The following AGPS variants were observed in gnomAD, a reference collection of about 807,000 sequenced individuals.
The protein encoded by AGPS is alkyldihydroxyacetonephosphate synthase, peroxisomal.
In AGPS, 26 loss-of-function variants were observed where a neutral mutation model predicts 90.7. That is an observed-to-expected ratio of 0.29 (90% CI 0.21 to 0.40). AGPS has a LOEUF of 0.40. AGPS is among the 10% of genes least tolerant of loss of function. AGPS has a pLI of 1.00. For missense variants in AGPS, 540 were observed against 816.1 expected (o/e 0.66, Z 4.12); for synonymous variants, 294 against 285.3 (o/e 1.03, Z -0.31).
At chr2:177,470,731 A>G (rs1014550700) in intron 10 of AGPS, among the ~76,000 whole-genome samples, 1 of 151,396 alleles carries the variant, frequency 6.6e-6, no homozygotes, top group Non-Finnish European at 1.5e-5. Context: ...AAAAAGAAAA[A>G]AAAAAGAAAT....
chr2:177,472,423 G>T (rs1574396960), intron 10 of AGPS, among the ~76,000 whole-genome samples: 1 of 151,112 alleles, frequency 6.6e-6, no homozygotes, highest in African/African-American at 2.4e-5. Context: ...CTTGTTGTTG[G>T]TTTTTGTTTG....
intron 15 of AGPS, among the ~76,000 whole-genome samples, chr2:177,505,903 A>G (rs7582179): frequency 0.84 from 127,638 of 151,860 alleles, 53,843 homozygotes; most frequent in East Asian, 0.95. Context: ...AACACTCTTC[A>G]CTTAATAATC....
At chr2:177,501,913 G>A (rs796814450) in intron 14 of AGPS, among the ~76,000 whole-genome samples, 8 of 152,102 alleles carry the variant, frequency 5.3e-5, no homozygotes, top group African/African-American at 1.2e-4. Context: ...TGGTCCACCC[G>A]CCTTGGCCTC....
rs1248859903 is a variant in AGPS, at chr2:177,538,439, TAGTC to T, written c.*247_*250del. 1.2e-5 allele frequency: 6 copies of T among 497,488 alleles called. No individual in the cohort carries two copies. Among genetic ancestry groups the T allele is most frequent in the South Asian group, 4.4e-5 (2 of 45,720 alleles). 30.8% of individuals were successfully genotyped at this position (497,488 alleles called of 1,614,324 possible). ...ATTCAGCGGTTGTCATTTCAAATTT[TAGTC>T]AGGCAGCACAAAGCTGTCAATTATT... is the stretch of plus-strand genomic sequence containing the variant. On this transcript the variant is annotated 3_prime_UTR_variant, in exon 20 of 20. Transcript: ENST00000264167.
chr2:177,499,838 A>G (rs1688509201), intron 14 of AGPS, 108 bp downstream of exon 14: 6 of 737,184 alleles, frequency 8.1e-6, no homozygotes, highest in Non-Finnish European at 1.4e-5. Flanking sequence ...AACAGACTGC[A>G]TGTCTCAAAG....
At chr2:177,432,760 C>T (rs1574362584) in intron 2 of AGPS, among the ~76,000 whole-genome samples, 2 of 152,140 alleles carry the variant, frequency 1.3e-5, no homozygotes, top group Non-Finnish European at 2.9e-5. Flanking sequence ...TTATTTGGCT[C>T]ATGGTTCTGT....
At chr2:177,533,279 A>G (rs1379865708) in intron 19 of AGPS, among the ~76,000 whole-genome samples, 1 of 152,200 alleles carries the variant, frequency 6.6e-6, no homozygotes, top group Non-Finnish European at 1.5e-5. Flanking sequence ...CCACAATTTA[A>G]CTGAACATTA....
At chr2:177,529,428 C>T (rs1478372962) in intron 19 of AGPS, among the ~76,000 whole-genome samples, 3 of 152,012 alleles carry the variant, frequency 2.0e-5, no homozygotes, top group African/African-American at 7.3e-5. Flanking sequence ...TGGCATCGCA[C>T]CACTGCACTC....
At chr2:177,407,706 A>G (rs1057508702) in intron 1 of AGPS, among the ~76,000 whole-genome samples, 3 of 151,768 alleles carry the variant, frequency 2.0e-5, no homozygotes, top group Non-Finnish European at 2.9e-5. Context: ...TATTCAAACT[A>G]TATTGGTTTC....
At chr2:177,469,634 GTTAC>G (rs139176708) in intron 10 of AGPS, among the ~76,000 whole-genome samples, 2,420 of 152,052 alleles carry the variant, frequency 0.016, 59 homozygotes, top group African/African-American at 0.054. Flanking sequence ...AAATAATATG[GTTAC>G]TTAATATTAT....
In AGPS at chr2:177,436,790, T is replaced by G; in HGVS notation, c.468T>G (p.Pro156=). Residue 156 remains proline, a synonymous_variant, in exon 4 of 20, where the codon CCT becomes CCG. Coordinates refer to ENST00000264167, the MANE Select transcript of AGPS (RefSeq NM_003659.4). ...CATCCTTAAATCCTAGTGATACACC[T>G]CCTTCTGTTGTAAATGAAGATTTTC... is the stretch of plus-strand genomic sequence containing the variant. ...SKASLNPSDT[P]PSVVNEDFLH... is the part of the protein sequence containing the mutation. 6.2e-7 allele frequency: 1 copy of G among 1,611,434 alleles called. No homozygotes were observed. Among genetic ancestry groups the G allele is most frequent in the Non-Finnish European group, 8.5e-7 (1 of 1,178,402 alleles).
intron 1 of AGPS, among the ~76,000 whole-genome samples, chr2:177,396,008 G>A (rs1559028813): frequency 7.4e-6 from 1 of 134,952 alleles, no homozygotes; most frequent in Non-Finnish European, 1.5e-5. Context: ...GAGACACAGT[G>A]CAGTTTGATT....
At chr2:177,400,555 G>T (rs1458855731) in intron 1 of AGPS, among the ~76,000 whole-genome samples, 1 of 152,162 alleles carries the variant, frequency 6.6e-6, no homozygotes, top group Non-Finnish European at 1.5e-5. Context: ...TACTTTTGAT[G>T]AGAGAGTTTT....
chr2:177,525,339 T>C (rs1208707989), intron 19 of AGPS, among the ~76,000 whole-genome samples: 1 of 152,210 alleles, frequency 6.6e-6, no homozygotes, highest in Non-Finnish European at 1.5e-5. Context: ...AACTTTAATA[T>C]ATATAAATAT....
chr2:177,441,325 CT>C (rs973019198), intron 6 of AGPS: 7 of 327,566 alleles, frequency 2.1e-5, no homozygotes, highest in African/African-American at 1.5e-4. Flanking sequence ...ACTTTTTAAC[CT>C]GTATATTTAT....
chr2:177,446,373 C>G (rs1039592555), intron 8 of AGPS, among the ~76,000 whole-genome samples: 6 of 152,070 alleles, frequency 3.9e-5, no homozygotes, highest in African/African-American at 1.4e-4. Flanking sequence ...GATCTCCTGA[C>G]CTCGTGATCC....
intron 10 of AGPS, among the ~76,000 whole-genome samples, chr2:177,481,111 G>A (rs1687930774): frequency 6.6e-6 from 1 of 152,096 alleles, no homozygotes; most frequent in Non-Finnish European, 1.5e-5. Context: ...CTTACTGGAA[G>A]CTTTGGTTTT....
intron 13 of AGPS, 106 bp downstream of exon 13, chr2:177,497,871 T>A: frequency 2.2e-6 from 1 of 463,488 alleles, no homozygotes; most frequent in Non-Finnish European, 3.8e-6. Flanking sequence ...TGTTGCTATG[T>A]ACATTTCAGA....
Position 177,490,954 on chromosome 2 carries a change from C to G in AGPS, c.1234-2194C>G, listed in dbSNP as rs968323834. Among the ~76,000 whole-genome samples, 90 of 142,844 alleles carry G rather than the reference C, an allele frequency of 6.3e-4. No individual in the cohort carries two copies. In the Middle Eastern group the frequency reaches 0.012, roughly 19 times the overall value. The allele number at this position is 142,844 out of a possible 152,430, so 93.7% of individuals were successfully genotyped here. The stretch of plus-strand genomic sequence containing the variant: ...CACTGCAACCTCCGCCTCCTAGGTT[C>G]AAGTGATTCTCCTGCCTCAGCCTCC... On this transcript the variant is annotated intron_variant, in intron 11 of 19. Coordinates refer to ENST00000264167, the MANE Select transcript of AGPS (RefSeq NM_003659.4).
Sources: gnomAD v4.1 joint callset for allele counts (sites outside exome capture counted in the v4.1 genomes callset) on GRCh38, gnomAD v4.1.1 for gene constraint, MANE v1.5 for transcripts, NCBI Gene and HGNC (gene_info 2026-07-23, HGNC 2026-07-21) for gene names.